The following CEP63 variants were observed in gnomAD, a reference collection of about 807,000 sequenced individuals.
CEP63 encodes the protein centrosomal protein 63, also known as centrosomal protein of 63 kDa.
A neutral mutation model predicts 89.1 loss-of-function variants in CEP63; 84 were observed. That is an observed-to-expected ratio of 0.94 (90% confidence interval 0.79 to 1.13). The LOEUF (loss-of-function observed/expected upper bound fraction) is 1.13, where lower values mean the gene tolerates loss of function less well. Among genes scored for constraint, CEP63 ranks in the 50% most tolerant of loss-of-function variants. The probability of loss-of-function intolerance (pLI) is 0.00; values close to 1 mark genes in which losing one functional copy is unlikely to be tolerated. For missense variants in CEP63, 838 were observed against 813.3 expected, an observed-to-expected ratio of 1.03 and a Z score of -0.37; for synonymous variants, 267 against 272.5, an observed-to-expected ratio of 0.98 and a Z score of 0.20.
At chr3:134,623,474 T>G in the CEP63 span, among the ~76,000 whole-genome samples, 1 of 152,144 alleles carries the variant, frequency 6.6e-6, no homozygotes, top group African/African-American at 2.4e-5. Context: ...GGGACTTCCC[T>G]TCTTCAATCA....
chr3:134,665,918 G>A, the CEP63 span, among the ~76,000 whole-genome samples: 6 of 151,994 alleles, frequency 3.9e-5, no homozygotes, highest in Admixed American at 1.3e-4. Context: ...GACAGAGACC[G>A]AGACATAGGG....
intron 6 of CEP63, among the ~76,000 whole-genome samples, chr3:134,539,819 T>G (rs1951630892): frequency 6.6e-6 from 1 of 152,174 alleles, no homozygotes; most frequent in African/African-American, 2.4e-5. Flanking sequence ...GCTATTAAAA[T>G]TACATAATAC....
the CEP63 span, chr3:134,603,703 T>C: frequency 6.2e-7 from 1 of 1,613,936 alleles, no homozygotes; most frequent in African/African-American, 1.3e-5. Context: ...GTAGCCCTCG[T>C]GGTTCAGGGT....
chr3:134,511,339 G>A (rs1414164166), intron 3 of CEP63: 3 of 157,324 alleles, frequency 1.9e-5, no homozygotes, highest in Non-Finnish European at 4.3e-5. Flanking sequence ...CTCTTCCCTT[G>A]ACTTCTCTGT....
At chr3:134,586,334 T>A (rs1958484582) in intron 10 of CEP63, among the ~76,000 whole-genome samples, 1 of 152,204 alleles carries the variant, frequency 6.6e-6, no homozygotes, top group African/African-American at 2.4e-5. Context: ...CTGGTACCAG[T>A]TGTTCCTTTC....
chr3:134,496,890 C>A (rs934592039), intron 2 of CEP63, among the ~76,000 whole-genome samples: 1 of 152,174 alleles, frequency 6.6e-6, no homozygotes, highest in Non-Finnish European at 1.5e-5. Context: ...TACATTCTCA[C>A]CAACAGCATA....
At chr3:134,642,038 T>C in the CEP63 span, among the ~76,000 whole-genome samples, 9 of 152,200 alleles carry the variant, frequency 5.9e-5, no homozygotes, top group African/African-American at 1.7e-4. Context: ...TGGCAGGTCC[T>C]GCTGGGCCCA....
the CEP63 span, among the ~76,000 whole-genome samples, chr3:134,644,071 C>G: frequency 2.0e-5 from 3 of 152,108 alleles, no homozygotes; most frequent in East Asian, 5.8e-4. Flanking sequence ...GTGATTCACC[C>G]GCCTCAGCCT....
Position 134,560,225 on chromosome 3 carries a change from A to G in CEP63, c.1953+796A>G, listed in dbSNP as rs151199204. ...TCTATTCCACTTAGTGTGAGTATCCATGTGTTTTGCTTCAGAAATATCAGT... is the reference window on the plus strand; with the variant it reads ...TCTATTCCACTTAGTGTGAGTATCCGTGTGTTTTGCTTCAGAAATATCAGT... On this transcript the variant is annotated intron_variant, in intron 14 of 14. Transcript: ENST00000675561. 4.1e-3 allele frequency among the ~76,000 whole-genome samples: 620 copies of G among 152,290 alleles called. 3 individuals carry two copies. Among genetic ancestry groups the G allele is most frequent in the African/African-American group, 0.014 (593 of 41,544 alleles).
At chr3:134,655,092 G>A in the CEP63 span, among the ~76,000 whole-genome samples, 1 of 152,192 alleles carries the variant, frequency 6.6e-6, no homozygotes, top group Non-Finnish European at 1.5e-5. Context: ...TGTCAAGTGG[G>A]TGAGGGTGTT....
At chr3:134,577,519 C>A (rs572900084), downstream of CEP63, among the ~76,000 whole-genome samples, 15 of 148,766 alleles carry the variant, frequency 1.0e-4, no homozygotes, top group African/African-American at 3.5e-4. Context: ...CTCTACCTCC[C>A]GAGTTCAAGC....
At chr3:134,541,450 A>G (rs1951970256) in intron 6 of CEP63, among the ~76,000 whole-genome samples, 1 of 151,772 alleles carries the variant, frequency 6.6e-6, no homozygotes, top group South Asian at 2.1e-4. Context: ...TTACATTTTC[A>G]GGATTGGACA....
At chr3:134,505,729 G>A (rs960791642) in intron 2 of CEP63, among the ~76,000 whole-genome samples, 5 of 152,162 alleles carry the variant, frequency 3.3e-5, no homozygotes, top group Non-Finnish European at 7.4e-5. Flanking sequence ...GTGGCAGGAG[G>A]GGCTAGGCTG....
At chr3:134,734,970 A>G in the CEP63 span, among the ~76,000 whole-genome samples, 4 of 152,126 alleles carry the variant, frequency 2.6e-5, no homozygotes, top group South Asian at 6.2e-4. Flanking sequence ...AACTTCTTCT[A>G]TAGGCTCTTG....
At chr3:134,679,629 C>T in the CEP63 span, among the ~76,000 whole-genome samples, 145 of 152,210 alleles carry the variant, frequency 9.5e-4, no homozygotes, top group Non-Finnish European at 1.9e-3. Flanking sequence ...TCCAGTACCT[C>T]AGACTTGACT....
the CEP63 span, among the ~76,000 whole-genome samples, chr3:134,756,794 C>T: frequency 6.6e-6 from 1 of 152,148 alleles, no homozygotes; most frequent in Non-Finnish European, 1.5e-5. Flanking sequence ...GCTGAAGGTC[C>T]AGCTGAACCT....
the CEP63 span, among the ~76,000 whole-genome samples, chr3:134,692,739 G>A: frequency 0.014 from 2,073 of 152,326 alleles, 26 homozygotes; most frequent in Middle Eastern, 0.027. Context: ...ACACAGACGT[G>A]TGCACATTCA....
At chr3:134,778,725 A>AT in the CEP63 span, among the ~76,000 whole-genome samples, 2 of 151,668 alleles carry the variant, frequency 1.3e-5, no homozygotes, top group African/African-American at 4.8e-5. Context: ...TGCCCGGCTA[A>AT]TTTTTTTGTA....
At chr3:134,685,049 C>T in the CEP63 span, among the ~76,000 whole-genome samples, 1 of 152,076 alleles carries the variant, frequency 6.6e-6, no homozygotes, top group African/African-American at 2.4e-5. Context: ...TTAGGCTGCA[C>T]GTGTTTCATA....
Sources: gnomAD v4.1 joint callset for allele counts (sites outside exome capture counted in the v4.1 genomes callset) on GRCh38, gnomAD v4.1.1 for gene constraint, MANE v1.5 for transcripts, NCBI Gene and HGNC (gene_info 2026-07-23, HGNC 2026-07-21) for gene names.